Variants in ZNF624 observed in about 807,000 individuals in gnomAD.
ZNF624 encodes zinc finger protein 624.
A neutral mutation model predicts 74.7 loss-of-function variants in ZNF624; 43 were observed. The observed-to-expected ratio is 0.58, with a 90% CI of 0.45 to 0.74. The LOEUF is 0.74. Among genes scored for constraint, ZNF624 ranks in the 30% least tolerant of loss-of-function variants. The pLI is 0.00. For missense variants in ZNF624, 820 were observed against 1,030.0 expected, an observed-to-expected ratio of 0.80 and a Z score of 2.79; for synonymous variants, 331 against 341.3, an observed-to-expected ratio of 0.97 and a Z score of 0.33.
intron 3 of ZNF624, among the ~76,000 whole-genome samples, chr17:16,642,908 G>A (rs141935049): frequency 5.3e-5 from 8 of 152,286 alleles, no homozygotes; most frequent in African/African-American, 1.9e-4. Context: ...CAATAAGTAT[G>A]CTCAAGAGAA....
At chr17:16,642,601 G>A (rs545577956) in intron 3 of ZNF624, among the ~76,000 whole-genome samples, 2 of 152,106 alleles carry the variant, frequency 1.3e-5, no homozygotes, top group South Asian at 2.1e-4. Context: ...CATGACCTCC[G>A]ATTTGGTAAT....
the ZNF624 span, among the ~76,000 whole-genome samples, chr17:16,615,198 G>C: frequency 2.0e-5 from 3 of 152,086 alleles, no homozygotes; most frequent in Non-Finnish European, 4.4e-5. Flanking sequence ...CCCGGGTTCA[G>C]GCCATTCTCC....
Position 16,622,966 on chromosome 17 carries a change from A to G in ZNF624, c.1920T>C (p.Tyr640=), listed in dbSNP as rs755490938. The change falls in exon 6 of 6, where the codon TAT becomes TAC. Residue 640 remains tyrosine, a synonymous_variant. Transcript: ENST00000311331. ...AGGACTTTCCACAGTCATAACATTT[A>G]TAGGGTTTCACTCCAGTATGAATTT... The part of the protein sequence containing the change: ...HQKIHTGVKP[Y]KCYDCGKSFR... 16 of 1,613,930 alleles carry G rather than the reference A, an allele frequency of 9.9e-6. No individual in the cohort carries two copies. Among genetic ancestry groups the G allele is most frequent in the Middle Eastern group, 3.3e-4 (2 of 6,082 alleles).
chr17:16,651,023 G>C (rs532098747), intron 1 of ZNF624, among the ~76,000 whole-genome samples: 2 of 152,074 alleles, frequency 1.3e-5, no homozygotes, highest in Non-Finnish European at 2.9e-5. Flanking sequence ...AGAATGCAAA[G>C]AATATTAGAG....
At chr17:16,617,401 C>A (rs192404580), downstream of ZNF624, 390 of 1,613,314 alleles carry the variant, frequency 2.4e-4, no homozygotes, top group African/African-American at 4.7e-3. Context: ...GTCCAAAGCA[C>A]GCTTCATGTC....
chr17:16,649,981 C>A (rs1909682910), intron 1 of ZNF624, among the ~76,000 whole-genome samples: 1 of 152,152 alleles, frequency 6.6e-6, no homozygotes, highest in Non-Finnish European at 1.5e-5. Flanking sequence ...AAAATACTTT[C>A]TCATTTTATT....
intron 2 of ZNF624, among the ~76,000 whole-genome samples, chr17:16,648,527 C>T (rs1238511333): frequency 1.3e-5 from 2 of 152,150 alleles, no homozygotes; most frequent in African/African-American, 4.8e-5. Flanking sequence ...ACCTGGTGAT[C>T]AAGGGCAACA....
chr17:16,646,395 T>C (rs2142649814), intron 3 of ZNF624, among the ~76,000 whole-genome samples: 1 of 152,268 alleles, frequency 6.6e-6, no homozygotes, highest in South Asian at 2.1e-4. Flanking sequence ...AAAAACCACA[T>C]TTTACAAAAA....
Position 16,622,305 on chromosome 17 carries a change from C to G in ZNF624, c.2581G>C (p.Glu861Gln). Residue 861 changes from glutamate to glutamine, a missense_variant, in exon 6 of 6, where the codon GAA (glutamate) becomes CAA (glutamine). Physicochemically the swap from Glu to Gln is conservative, Grantham distance 29 (BLOSUM62 2). Transcript: ENST00000311331. The stretch of plus-strand genomic sequence containing the variant: ...ATTGTTCTTTATATTAACTGAGTTT[C>G]TCTTTGATGTATTCTTTGATGTACA... ...LTVHQRIHQR[E>Q]TQLI The G allele has an allele frequency of 6.4e-7, 1 of 1,566,144 alleles. No individual in the cohort carries two copies. Among genetic ancestry groups the G allele is most frequent in the Non-Finnish European group, 8.6e-7 (1 of 1,160,808 alleles).
chr17:16,627,878 G>A (rs1909108690), intron 5 of ZNF624, among the ~76,000 whole-genome samples: 1 of 152,072 alleles, frequency 6.6e-6, no homozygotes, highest in African/African-American at 2.4e-5. Context: ...AATCCTCTGT[G>A]GGAAAGATTA....
intron 3 of ZNF624, among the ~76,000 whole-genome samples, chr17:16,638,745 T>TAGCATTAGGAGATAC (rs1555905456): frequency 6.6e-6 from 1 of 152,156 alleles, no homozygotes; most frequent in East Asian, 1.9e-4. Flanking sequence ...TTAGGAGATA[T>TAGCATTAGGAGATAC]GCCTAATGCT....
intron 5 of ZNF624, among the ~76,000 whole-genome samples, chr17:16,632,081 T>C (rs1227414824): frequency 6.6e-6 from 1 of 152,202 alleles, no homozygotes. Context: ...TCTCTCACAA[T>C]TTTTTCTTCC....
At chr17:16,652,571 T>C (rs956297444) in intron 1 of ZNF624, among the ~76,000 whole-genome samples, 36 of 152,362 alleles carry the variant, frequency 2.4e-4, no homozygotes, top group African/African-American at 8.7e-4. Flanking sequence ...CCTTGTTTTA[T>C]TTTATAATTA....
At chr17:16,651,271 T>C (rs1262775576) in intron 1 of ZNF624, among the ~76,000 whole-genome samples, 2 of 151,512 alleles carry the variant, frequency 1.3e-5, no homozygotes, top group Non-Finnish European at 2.9e-5. Context: ...TACTAAAAAA[T>C]ACAAAATGAT....
At chr17:16,647,133 T>C (rs970817900) in intron 3 of ZNF624, among the ~76,000 whole-genome samples, 196 bp downstream of exon 3, 1 of 152,198 alleles carries the variant, frequency 6.6e-6, no homozygotes. Flanking sequence ...GTAATCACGA[T>C]GTGACTATCT....
chr17:16,633,661 T>C (rs1318047225), intron 5 of ZNF624, among the ~76,000 whole-genome samples: 1 of 152,050 alleles, frequency 6.6e-6, no homozygotes, highest in Non-Finnish European at 1.5e-5. Context: ...TAGGATGAGA[T>C]GTTTCCCAAA....
At chr17:16,647,459 C>T in intron 2 of ZNF624, 65 bp from the exon 3 acceptor site, 2 of 1,309,280 alleles carry the variant, frequency 1.5e-6, no homozygotes, top group Non-Finnish European at 2.2e-6. Flanking sequence ...AGAGCCTCAA[C>T]AAGCACCACC....
chr17:16,651,970 G>A (rs1001990460), intron 1 of ZNF624, among the ~76,000 whole-genome samples: 1 of 151,984 alleles, frequency 6.6e-6, no homozygotes, highest in Non-Finnish European at 1.5e-5. Flanking sequence ...TAGTTTTAGT[G>A]TAATATTTTA....
intron 5 of ZNF624, among the ~76,000 whole-genome samples, chr17:16,625,079 T>TATAA (rs1304034042): frequency 6.6e-6 from 1 of 151,756 alleles, no homozygotes. Flanking sequence ...CCAACTATTT[T>TATAA]AGATGGTATT....
Sources: gnomAD v4.1 joint callset for allele counts (sites outside exome capture counted in the v4.1 genomes callset) on GRCh38, gnomAD v4.1.1 for gene constraint, MANE v1.5 for transcripts, NCBI Gene and HGNC (gene_info 2026-07-23, HGNC 2026-07-21) for gene names.